The following TMEM165 variants were observed in gnomAD, a reference collection of about 807,000 sequenced individuals.
TMEM165 encodes putative divalent cation/proton antiporter TMEM165.
A neutral mutation model predicts 30.0 loss-of-function variants in TMEM165; 19 were observed. That is an observed-to-expected ratio of 0.63 (90% CI 0.44 to 0.93). The LOEUF (loss-of-function observed/expected upper bound fraction) is 0.93, where lower values mean the gene tolerates loss of function less well. Among genes scored for constraint, TMEM165 ranks in the 40% least tolerant of loss-of-function variants. The pLI, the probability that TMEM165 is intolerant of heterozygous loss-of-function variation, is 0.00. For synonymous variants in TMEM165, 168 were observed against 162.9 expected (o/e 1.03, Z -0.24); for missense variants, 340 against 417.0 (o/e 0.82, Z 1.61).
chr4:55,408,325 C>T (rs1216956531), intron 1 of TMEM165, among the ~76,000 whole-genome samples: 1 of 152,088 alleles, frequency 6.6e-6, no homozygotes, highest in African/African-American at 2.4e-5. Context: ...GGGATGTGTT[C>T]TGAGAAACTC....
chr4:55,403,293 T>C, intron 1 of TMEM165: 1 of 1,287,424 alleles, frequency 7.8e-7, no homozygotes. Flanking sequence ...GAAAGCATCT[T>C]CATCTTCTCT....
At chr4:55,422,212 C>T (rs1302934998) in intron 4 of TMEM165, among the ~76,000 whole-genome samples, 1 of 152,206 alleles carries the variant, frequency 6.6e-6, no homozygotes, top group Non-Finnish European at 1.5e-5. Context: ...CTTTGTCCCT[C>T]ATGATTATGC....
At chr4:55,448,767 A>C (rs754407050) in intron 3 of TMEM165, 2 of 1,610,684 alleles carry the variant, frequency 1.2e-6, no homozygotes, top group South Asian at 2.2e-5. Flanking sequence ...TGAAACAAAA[A>C]CCAAAAAGTA....
intron 4 of TMEM165, among the ~76,000 whole-genome samples, chr4:55,422,224 A>G (rs553057023): frequency 3.9e-5 from 6 of 152,096 alleles, no homozygotes; most frequent in Non-Finnish European, 8.8e-5. Context: ...TGATTATGCT[A>G]TCAACATTCT....
intron 4 of TMEM165, among the ~76,000 whole-genome samples, chr4:55,418,942 G>T (rs1434631971): frequency 6.6e-6 from 1 of 152,040 alleles, no homozygotes; most frequent in East Asian, 1.9e-4. Flanking sequence ...CTACTCAGGA[G>T]ACTGAGGCAG....
chr4:55,425,331 G>C (rs562461160), intron 5 of TMEM165, 45 bp from the exon 6 acceptor site: 1 of 1,492,492 alleles, frequency 6.7e-7, no homozygotes, highest in East Asian at 2.3e-5. Context: ...CAGTATCAAG[G>C]TATAGGAATT....
chr4:55,424,534 C>T lies in TMEM165; in HGVS notation c.793-4C>T. 6.2e-7 allele frequency: 1 copy of T among 1,601,296 alleles called. No homozygotes were observed. Among genetic ancestry groups the T allele is most frequent in the South Asian group, 1.1e-5 (1 of 90,640 alleles). ...TGAATTAATGCTGTGACGCTTGCTT[C>T]CAGGACCCCTATGGTGTAGCCGTGG... On this transcript the variant is annotated splice_region_variant and splice_polypyrimidine_tract_variant and intron_variant, in intron 4 of 5. Coordinates refer to ENST00000381334, the MANE Select transcript of TMEM165 (RefSeq NM_018475.5).
chr4:55,436,734 C>T (rs1438621403), intron 3 of TMEM165, among the ~76,000 whole-genome samples: 1 of 152,038 alleles, frequency 6.6e-6, no homozygotes, highest in African/African-American at 2.4e-5. Flanking sequence ...AGACTTGATA[C>T]TTATGAGCCT....
At chr4:55,438,674 C>A in intron 3 of TMEM165, 1 of 1,299,530 alleles carries the variant, frequency 7.7e-7, no homozygotes, top group South Asian at 1.4e-5. Context: ...TATATTCCTA[C>A]TTTGTTTCAT....
rs141051562 is a variant in TMEM165, at chr4:55,443,368, G to T, written c.409-8871G>T. On this transcript the variant is annotated intron_variant, in intron 3 of 3. Transcript: ENST00000608091. ...TGGGTGCCTATAATCCCAGCTACTCGGGAGGTTGGGGCAGGAGAATCGCTT... is the reference window on the plus strand; with the variant it reads ...TGGGTGCCTATAATCCCAGCTACTCTGGAGGTTGGGGCAGGAGAATCGCTT... 2.2e-4 allele frequency among the ~76,000 whole-genome samples: 34 copies of T among 151,666 alleles called. No individual in the cohort carries two copies. The South Asian group carries it at 2.7e-3, about 12-fold the overall frequency.
intron 3 of TMEM165, chr4:55,442,427 A>C (rs763022112): frequency 5.5e-5 from 89 of 1,607,864 alleles, no homozygotes; most frequent in Non-Finnish European, 7.1e-5. Flanking sequence ...AAATATGACA[A>C]CTACCTTATC....
intron 1 of TMEM165, among the ~76,000 whole-genome samples, chr4:55,408,336 A>T (rs1721356429): frequency 6.6e-6 from 1 of 152,184 alleles, no homozygotes; most frequent in African/African-American, 2.4e-5. Context: ...TGAGAAACTC[A>T]TTATCAGGCA....
chr4:55,417,780 C>T (rs756556065), intron 3 of TMEM165, 23 bp from the exon 4 acceptor site: 1 of 1,556,244 alleles, frequency 6.4e-7, no homozygotes, highest in Non-Finnish European at 8.7e-7. Context: ...TGCTTACTTT[C>T]ATTTGTTTAT....
intron 1 of TMEM165, chr4:55,403,463 G>T (rs1316824929): frequency 2.3e-5 from 5 of 216,702 alleles, no homozygotes; most frequent in Non-Finnish European, 3.8e-5. Flanking sequence ...AAGTATAAAA[G>T]AATACTTTCT....
At chr4:55,440,852 C>A (rs1268538032) in intron 3 of TMEM165, among the ~76,000 whole-genome samples, 1 of 152,180 alleles carries the variant, frequency 6.6e-6, no homozygotes, top group Non-Finnish European at 1.5e-5. Context: ...GCCACACCCA[C>A]ATCCAAAGCC....
intron 3 of TMEM165, among the ~76,000 whole-genome samples, chr4:55,452,064 T>C (rs1350951168): frequency 6.6e-6 from 1 of 152,042 alleles, no homozygotes; most frequent in East Asian, 1.9e-4. Context: ...TGGTAGGCAA[T>C]TTCTGACATG....
intron 3 of TMEM165, among the ~76,000 whole-genome samples, chr4:55,445,610 A>C (rs1180369733): frequency 3.8e-5 from 1 of 26,486 alleles, no homozygotes; most frequent in Non-Finnish European, 6.6e-5. Context: ...TTTTTTTTTG[A>C]GACAGGATCT....
At chr4:55,438,006 T>C (rs1486926900) in intron 3 of TMEM165, among the ~76,000 whole-genome samples, 1 of 152,120 alleles carries the variant, frequency 6.6e-6, no homozygotes, top group Non-Finnish European at 1.5e-5. Flanking sequence ...AGCCAGAGAC[T>C]AAGAAAACAG....
chr4:55,448,688 C>A (rs1724152970), intron 3 of TMEM165: 2 of 922,780 alleles, frequency 2.2e-6, no homozygotes, highest in African/African-American at 1.7e-5. Context: ...CAGGTGCTTG[C>A]CAGCAAGCCT....
Sources: gnomAD v4.1 joint callset for allele counts (sites outside exome capture counted in the v4.1 genomes callset) on GRCh38, gnomAD v4.1.1 for gene constraint, MANE v1.5 for transcripts, NCBI Gene and HGNC (gene_info 2026-07-23, HGNC 2026-07-21) for gene names.